ERMP1: variants seen among roughly 807,000 people sequenced by gnomAD.
ERMP1 encodes Felix-ina.
A neutral mutation model predicts 92.0 loss-of-function variants in ERMP1; 86 were observed. That is an observed-to-expected ratio of 0.93 (90% CI 0.79 to 1.12). The LOEUF is 1.12. Ranked by LOEUF, ERMP1 falls within the 50% of genes most tolerant of loss-of-function variation. ERMP1 has a pLI of 0.00. For synonymous variants in ERMP1, 530 were observed against 412.8 expected (o/e 1.28, Z -3.44); for missense variants, 1,342 against 1,116.3 (o/e 1.20, Z -2.88).
rs762795519 is a variant in ERMP1, at chr9:5,810,245, A to C, written c.1328-14T>G. ...TGTAGTTACCAGCTAATGAAGAGAA[A>C]ACAAAAAGTTGAAATCACCATCTTC... On this transcript the variant is annotated splice_polypyrimidine_tract_variant and intron_variant, in intron 7 of 14. Transcript: ENST00000339450. 2 of 1,600,234 alleles carry C rather than the reference A, an allele frequency of 1.2e-6. No homozygotes were observed. The highest frequency in any genetic ancestry group is 1.7e-6 in the Non-Finnish European group (2 of 1,168,732).
intron 5 of ERMP1, among the ~76,000 whole-genome samples, chr9:5,862,295 G>T (rs989208540): frequency 6.6e-6 from 1 of 151,530 alleles, no homozygotes; most frequent in African/African-American, 2.4e-5. Context: ...GCCTCTCAAA[G>T]TGCTGGGATT....
At chr9:5,819,105 A>T (rs981398862) in intron 4 of ERMP1, among the ~76,000 whole-genome samples, 3 of 152,252 alleles carry the variant, frequency 2.0e-5, no homozygotes, top group Non-Finnish European at 4.4e-5. Context: ...GTTTACACAA[A>T]GACTTACACA....
At chr9:5,866,578 T>C (rs1446057249) in intron 5 of ERMP1, among the ~76,000 whole-genome samples, 1 of 152,192 alleles carries the variant, frequency 6.6e-6, no homozygotes, top group Non-Finnish European at 1.5e-5. Context: ...AAGACTGATT[T>C]AGGTCAAGAA....
At chr9:5,861,468 G>C (rs1830493095) in intron 5 of ERMP1, among the ~76,000 whole-genome samples, 1 of 151,990 alleles carries the variant, frequency 6.6e-6, no homozygotes, top group African/African-American at 2.4e-5. Context: ...CAAGGAGAAA[G>C]CAGGAGCCAT....
chr9:5,832,652 C>A lies in ERMP1; in HGVS notation c.338+38G>T, dbSNP rs1829995097. The A allele has an allele frequency of 2.2e-6, 3 of 1,359,870 alleles. No homozygotes were observed. The East Asian group carries it at 9.3e-5, about 42-fold the overall frequency. The allele number at this position is 1,359,870 out of a possible 1,614,324, so 84.2% of individuals were successfully genotyped here. On this transcript the variant is annotated intron_variant, in intron 1 of 14. Transcript: ENST00000339450. ...CCGGAGCCTGCGCAGGAGCCGCAAA[C>A]GGACGCGCGGGCCGTGCCAGGAGGG... is the stretch of plus-strand genomic sequence containing the variant.
At position 5,787,300 on chromosome 9, in the gene ERMP1, T is replaced by C; in HGVS notation, c.2559A>G (p.Glu853=). 1 of 1,612,042 alleles carries C rather than the reference T, an allele frequency of 6.2e-7. No homozygotes were observed. The highest frequency in any genetic ancestry group is 1.3e-5 in the African/African-American group (1 of 74,958). ...CGGTGACCATTCCTTCAGGATGTTC[T>C]TCTGAAACCTGCCAGAGAAAATCAA... The part of the protein sequence containing the change: ...WQFWIEVQVS[E]EHPEGMVTVA... The change falls in exon 15 of 15, where the codon GAA becomes GAG. Residue 853 remains glutamate, a synonymous_variant. Transcript: ENST00000339450.
chr9:5,789,234 G>C (rs1264979444), intron 13 of ERMP1, among the ~76,000 whole-genome samples: 1 of 151,242 alleles, frequency 6.6e-6, no homozygotes, highest in Admixed American at 6.6e-5. Context: ...AAAACTATTA[G>C]ATTTCAAAGA....
At chr9:5,827,832 G>A (rs1014071310) in intron 2 of ERMP1, among the ~76,000 whole-genome samples, 13 of 149,950 alleles carry the variant, frequency 8.7e-5, no homozygotes, top group African/African-American at 2.2e-4. Flanking sequence ...AAAAAAATTC[G>A]CAAGGCATGG....
chr9:5,813,077 ATTT>A, intron 4 of ERMP1, 42 bp from the exon 5 acceptor site: 1 of 1,592,834 alleles, frequency 6.3e-7, no homozygotes, highest in Non-Finnish European at 8.6e-7. Flanking sequence ...TATTCCGGCA[ATTT>A]TTTTTAACAT....
chr9:5,822,895 T>C (rs1829594101), intron 4 of ERMP1, among the ~76,000 whole-genome samples: 1 of 152,202 alleles, frequency 6.6e-6, no homozygotes, highest in African/African-American at 2.4e-5. Context: ...CAGTAGGATA[T>C]AAATAACTCC....
chr9:5,834,780 GA>G (rs1830066125), upstream of ERMP1, among the ~76,000 whole-genome samples: 1 of 129,360 alleles, frequency 7.7e-6, no homozygotes. Context: ...CCATAATAGG[GA>G]AATGCCTGGC....
intron 2 of ERMP1, 64 bp from the exon 3 acceptor site, chr9:5,825,283 G>C (rs1018774061): frequency 6.7e-6 from 10 of 1,490,910 alleles, no homozygotes; most frequent in Non-Finnish European, 9.1e-6. Context: ...GACCCATTAG[G>C]ACTAGGAATG....
intron 11 of ERMP1, 96 bp downstream of exon 11, chr9:5,801,080 G>A: frequency 3.0e-6 from 4 of 1,314,234 alleles, no homozygotes; most frequent in Non-Finnish European, 4.2e-6. Context: ...TAGGTCAACA[G>A]CAGAAAAGTC....
At chr9:5,791,508 T>C (rs1250683855) in intron 13 of ERMP1, among the ~76,000 whole-genome samples, 1 of 152,202 alleles carries the variant, frequency 6.6e-6, no homozygotes, top group East Asian at 1.9e-4. Context: ...TTTGACCAGA[T>C]ACCTGGGTGC....
intron 6 of ERMP1, among the ~76,000 whole-genome samples, chr9:5,844,161 T>C (rs948951609): frequency 6.6e-6 from 1 of 152,206 alleles, no homozygotes; most frequent in Non-Finnish European, 1.5e-5. Flanking sequence ...ACTAACATCC[T>C]ACATCCTGAG....
rs57347922 is a variant in ERMP1 at position 5,798,651 on chromosome 9, T to TA, written c.2270+154dup. Among the ~76,000 whole-genome samples, 678 of 119,194 alleles carry TA rather than the reference T, an allele frequency of 5.7e-3. 4 individuals are homozygous for TA. Among genetic ancestry groups the TA allele is most frequent in the Middle Eastern group, 0.018 (4 of 224 alleles). 78.2% of individuals were successfully genotyped at this position (119,194 alleles called of 152,430 possible). A position where few individuals can be genotyped will look rare whatever the true frequency, so the allele number is the denominator to read the frequency against. On this transcript the variant is annotated intron_variant, in intron 12 of 14. Coordinates refer to ENST00000339450, the MANE Select transcript of ERMP1 (RefSeq NM_024896.3). The stretch of plus-strand genomic sequence containing the variant: ...TACTCTTCTGAGTGCTTTATTCCAC[T>TA]AAAAAAAAAAAAAAAGTTTCATAAT...
At chr9:5,811,365 G>C (rs1829086231) in intron 6 of ERMP1, 42 bp from the exon 7 acceptor site, 3 of 1,465,674 alleles carry the variant, frequency 2.0e-6, no homozygotes, top group African/African-American at 1.4e-5. Flanking sequence ...AAAGGAAAAA[G>C]ATAAAAAGGC....
intron 4 of ERMP1, among the ~76,000 whole-genome samples, chr9:5,814,441 A>G (rs1028270906): frequency 6.6e-6 from 1 of 152,178 alleles, no homozygotes. Context: ...TTGCTTTCCT[A>G]CATTTTAAAA....
intron 11 of ERMP1, among the ~76,000 whole-genome samples, chr9:5,800,088 T>C (rs774742917): frequency 2.8e-4 from 42 of 152,226 alleles, no homozygotes; most frequent in Non-Finnish European, 5.9e-5. Flanking sequence ...TTAGGTTAGA[T>C]GTGACTCTTG....
Sources: allele counts gnomAD v4.1 joint callset (sites outside exome capture counted in the v4.1 genomes callset), GRCh38; gene constraint gnomAD v4.1.1; transcripts MANE v1.5; gene names NCBI Gene and HGNC (gene_info 2026-07-23, HGNC 2026-07-21).